The following CCDC30 variants were observed in gnomAD, a reference collection of about 807,000 sequenced individuals.
CCDC30 encodes coiled-coil domain-containing protein 30.
Under a neutral mutation model 100.2 loss-of-function variants are expected in CCDC30, and 70 were observed. The ratio of observed to expected loss-of-function variants is 0.70; its 90% CI spans 0.58 to 0.85. The LOEUF (loss-of-function observed/expected upper bound fraction) is 0.85. CCDC30 is among the 40% of genes least tolerant of loss of function. The pLI, the probability that CCDC30 is intolerant of heterozygous loss-of-function variation, is 0.00. For missense variants in CCDC30, 652 were observed against 771.2 expected, an observed-to-expected ratio of 0.85 and a Z score of 1.83; for synonymous variants, 233 against 269.5, an observed-to-expected ratio of 0.86 and a Z score of 1.33.
intron 6 of CCDC30, among the ~76,000 whole-genome samples, chr1:42,538,413 A>T (rs561656235): frequency 1.4e-4 from 21 of 152,124 alleles, no homozygotes; most frequent in African/African-American, 5.1e-4. Flanking sequence ...GAATATAATT[A>T]AATAAGCATA....
At chr1:42,493,547 A>C (rs1161392920) in intron 4 of CCDC30, among the ~76,000 whole-genome samples, 1 of 152,194 alleles carries the variant, frequency 6.6e-6, no homozygotes, top group African/African-American at 2.4e-5. Context: ...AGATTGTGCC[A>C]CTGCACTCCA....
chr1:42,653,324 G>C, intron 15 of CCDC30, 52 bp from the exon 20 acceptor site: 1 of 1,064,016 alleles, frequency 9.4e-7, no homozygotes, highest in East Asian at 2.4e-5. Flanking sequence ...GGATCATATA[G>C]CTAATGGTTT....
chr1:42,465,276 G>A (rs57379143), intron 1 of CCDC30, among the ~76,000 whole-genome samples: 2,220 of 152,188 alleles, frequency 0.015, 52 homozygotes, highest in African/African-American at 0.051. Flanking sequence ...GCACCACTGC[G>A]CTCCAACCTG....
intron 6 of CCDC30, among the ~76,000 whole-genome samples, chr1:42,508,765 T>A (rs1243277949): frequency 6.6e-6 from 1 of 152,090 alleles, no homozygotes; most frequent in African/African-American, 2.4e-5. Flanking sequence ...GGGCCTCTTA[T>A]GTGTGCATTA....
intron 2 of CCDC30, among the ~76,000 whole-genome samples, chr1:42,481,112 TAA>T (rs145002073): frequency 2.6e-4 from 37 of 144,700 alleles, no homozygotes; most frequent in African/African-American, 4.6e-4. Context: ...CCTCATCTCT[TAA>T]AAAAAAAAAA....
intron 6 of CCDC30, among the ~76,000 whole-genome samples, chr1:42,511,391 A>G (rs1321670474): frequency 6.6e-6 from 1 of 152,190 alleles, no homozygotes; most frequent in Non-Finnish European, 1.5e-5. Context: ...GAGAAAGGGT[A>G]CTAGATTGAA....
chr1:42,625,322 T>C (rs1343009246), intron 11 of CCDC30, among the ~76,000 whole-genome samples: 1 of 143,680 alleles, frequency 7.0e-6, no homozygotes, highest in Non-Finnish European at 1.6e-5. Context: ...AAAAAACAAC[T>C]TTTTGTTTCA....
rs72954337 is a variant in CCDC30 at position 42,510,228 on chromosome 1, T to C, written c.456+11312T>C. ...TTACTCTCTCTATTTTCTCTTTTCC[T>C]TTTGACCTACCATAGGAGACAGATT... is the stretch of plus-strand genomic sequence containing the variant. On this transcript the variant is annotated intron_variant, in intron 6 of 16. Transcript: ENST00000668663. 4.5e-3 allele frequency: 2,744 copies of C among 613,532 alleles called. 69 individuals carry two copies. In the African/African-American group the frequency reaches 0.05, roughly 11 times the overall value. The allele number at this position is 613,532 out of a possible 1,614,324, so 38.0% of individuals were successfully genotyped here. A position where few individuals can be genotyped will look rare whatever the true frequency, so the allele number is the denominator to read the frequency against.
intron 6 of CCDC30, among the ~76,000 whole-genome samples, chr1:42,506,530 A>G (rs1644397758): frequency 6.6e-6 from 1 of 152,252 alleles, no homozygotes; most frequent in Non-Finnish European, 1.5e-5. Context: ...ATACATAGAC[A>G]TTAGAATTTT....
rs776412637 is a variant in CCDC30, at chr1:42,538,149, CAAAAAAAAAAAAAAA to C, written c.457-28130_457-28116del. On this transcript the variant is annotated intron_variant, in intron 6 of 16. Transcript: ENST00000668663. ...GCAACATAGTGGGACACTGTCTCCA[CAAAAAAAAAAAAAAA>C]AAAAAAAAAAAAAAAATTAGCCAGG... is the stretch of plus-strand genomic sequence containing the variant. Among the ~76,000 whole-genome samples the C allele has an allele frequency of 1.3e-4, 11 of 82,362 alleles. No homozygotes were observed. The East Asian group carries it at 1.5e-3, about 11-fold the overall frequency. 54.0% of individuals were successfully genotyped at this position (82,362 alleles called of 152,430 possible).
intron 7 of CCDC30, among the ~76,000 whole-genome samples, chr1:42,566,796 T>G (rs1391957436): frequency 1.3e-5 from 2 of 152,178 alleles, no homozygotes; most frequent in Non-Finnish European, 2.9e-5. Flanking sequence ...TTTATCCCTA[T>G]TAGATGTATC....
At chr1:42,545,469 T>C (rs1371715449) in intron 6 of CCDC30, 5 of 1,603,548 alleles carry the variant, frequency 3.1e-6, no homozygotes, top group Non-Finnish European at 3.4e-6. Flanking sequence ...GGGGAAAAAC[T>C]GCACCTTCTA....
chr1:42,546,402 ATATATATAT>A (rs1645140642), intron 6 of CCDC30, among the ~76,000 whole-genome samples: 6 of 25,770 alleles, frequency 2.3e-4, no homozygotes, highest in Non-Finnish European at 3.6e-4. Flanking sequence ...AAAAAAAAAT[ATATATATAT>A]ATATATATAT....
intron 16 of CCDC30, 88 bp downstream of exon 20, chr1:42,653,531 G>A: frequency 1.2e-6 from 1 of 850,716 alleles, no homozygotes; most frequent in Non-Finnish European, 1.9e-6. Flanking sequence ...AACTAGTCCT[G>A]GATTGCTGGC....
chr1:42,550,370 G>A (rs1394280703), intron 6 of CCDC30, among the ~76,000 whole-genome samples: 1 of 152,038 alleles, frequency 6.6e-6, no homozygotes, highest in African/African-American at 2.4e-5. Flanking sequence ...AATGCAAATC[G>A]AATAATATTG....
At chr1:42,479,121 A>G (rs937697702) in intron 1 of CCDC30, among the ~76,000 whole-genome samples, 3 of 152,192 alleles carry the variant, frequency 2.0e-5, no homozygotes, top group African/African-American at 4.8e-5. Flanking sequence ...CGCACCTGTA[A>G]TCTCAGCACT....
At chr1:42,504,616 CAT>C (rs1305222973) in intron 6 of CCDC30, among the ~76,000 whole-genome samples, 2 of 152,164 alleles carry the variant, frequency 1.3e-5, no homozygotes, top group Non-Finnish European at 2.9e-5. Context: ...ATAAAAGTAA[CAT>C]TAACAAATGT....
chr1:42,617,418 G>A (rs946055049), intron 11 of CCDC30, among the ~76,000 whole-genome samples: 9 of 152,180 alleles, frequency 5.9e-5, no homozygotes, highest in Non-Finnish European at 1.3e-4. Context: ...TTCCAGAAAT[G>A]TAACACCCAA....
At chr1:42,504,921 A>T (rs1020720077) in intron 6 of CCDC30, among the ~76,000 whole-genome samples, 2 of 152,234 alleles carry the variant, frequency 1.3e-5, no homozygotes, top group Non-Finnish European at 2.9e-5. Context: ...CCCAATAAAA[A>T]GTCCTGGTGG....
Sources: gnomAD v4.1 joint callset for allele counts (sites outside exome capture counted in the v4.1 genomes callset) on GRCh38, gnomAD v4.1.1 for gene constraint, MANE v1.5 for transcripts, NCBI Gene and HGNC (gene_info 2026-07-23, HGNC 2026-07-21) for gene names.